The following SLC30A7 variants were observed in gnomAD, a reference collection of about 807,000 sequenced individuals.
The protein encoded by SLC30A7 is zinc transporter 7.
SLC30A7 carries 35 observed loss-of-function variants against 46.0 expected under a neutral mutation model. The ratio of observed to expected loss-of-function variants is 0.76; its 90% confidence interval spans 0.58 to 1.01. The LOEUF (loss-of-function observed/expected upper bound fraction) is 1.01. SLC30A7 is among the 50% of genes least tolerant of loss of function. The probability of loss-of-function intolerance (pLI) is 0.00; values close to 1 mark genes in which losing one functional copy is unlikely to be tolerated. For missense variants in SLC30A7, 464 were observed against 451.1 expected (o/e 1.03, Z -0.26); for synonymous variants, 147 against 157.8 (o/e 0.93, Z 0.51).
chr1:100,916,948 T>C (rs1652602067), intron 6 of SLC30A7, among the ~76,000 whole-genome samples: 1 of 152,220 alleles, frequency 6.6e-6, no homozygotes, highest in Non-Finnish European at 1.5e-5. Flanking sequence ...TGTATATATT[T>C]TATCAGATAC....
chr1:100,939,315 A>G (rs1283913382), intron 8 of SLC30A7, among the ~76,000 whole-genome samples: 1 of 152,228 alleles, frequency 6.6e-6, no homozygotes, highest in African/African-American at 2.4e-5. Context: ...ATGACAGACA[A>G]TTTAGCAAAG....
chr1:100,993,415 G>C, the SLC30A7 span, among the ~76,000 whole-genome samples: 1 of 151,196 alleles, frequency 6.6e-6, no homozygotes, highest in Non-Finnish European at 1.5e-5. Context: ...AGCGTGGCTT[G>C]GTGGCGCACG....
chr1:100,921,604 T>C, intron 7 of SLC30A7, 102 bp from the exon 8 acceptor site: 1 of 813,694 alleles, frequency 1.2e-6, no homozygotes, highest in Non-Finnish European at 1.9e-6. Flanking sequence ...GAAGTTGATA[T>C]CTAGTTTTTT....
At chr1:100,937,261 A>G (rs1654025420) in intron 8 of SLC30A7, among the ~76,000 whole-genome samples, 1 of 152,184 alleles carries the variant, frequency 6.6e-6, no homozygotes, top group African/African-American at 2.4e-5. Context: ...GAGGTTTTGA[A>G]TTATTTATTT....
chr1:100,921,909 G>T, intron 8 of SLC30A7, 68 bp downstream of exon 8: 4 of 1,250,920 alleles, frequency 3.2e-6, no homozygotes, highest in Admixed American at 2.3e-5. Flanking sequence ...TTAAATTATA[G>T]GTCTAAAATA....
At chr1:100,954,455 A>G (rs1655124654) in intron 8 of SLC30A7, among the ~76,000 whole-genome samples, 1 of 152,188 alleles carries the variant, frequency 6.6e-6, no homozygotes, top group South Asian at 2.1e-4. Flanking sequence ...TATCTAAACA[A>G]TGACATTACT....
Position 100,915,205 on chromosome 1 carries a change from C to CTTTTCT in SLC30A7, c.655+1402_655+1403insTCTTTT, listed in dbSNP as rs1399202409. ...TTTCTTTTCTTTCTTTTCTTTCTTT[C>CTTTTCT]TTTCTTTCTTTCTTTCTTTCTTTCT... On this transcript the variant is annotated intron_variant, in intron 6 of 10. Coordinates refer to ENST00000357650, the MANE Select transcript of SLC30A7 (RefSeq NM_133496.5). Among the ~76,000 whole-genome samples, 894 of 111,794 alleles carry CTTTTCT rather than the reference C, an allele frequency of 8.0e-3. 7 individuals are homozygous for CTTTTCT. The highest frequency in any genetic ancestry group is 9.8e-3 in the Non-Finnish European group (520 of 53,186). The allele number at this position is 111,794 out of a possible 152,430, so 73.3% of individuals were successfully genotyped here.
intron 2 of SLC30A7, among the ~76,000 whole-genome samples, chr1:100,902,637 A>G (rs878940950): frequency 2.0e-5 from 3 of 152,198 alleles, no homozygotes; most frequent in Admixed American, 2.0e-4. Context: ...AATCTGTTCC[A>G]TGATCTTTCT....
At chr1:100,990,296 C>G in the SLC30A7 span, 27 of 979,328 alleles carry the variant, frequency 2.8e-5, no homozygotes, top group South Asian at 4.1e-4. Context: ...ACCACAACAC[C>G]TGGGAATTAT....
chr1:100,985,481 G>T (rs918239351), downstream of SLC30A7, among the ~76,000 whole-genome samples: 53 of 152,242 alleles, frequency 3.5e-4, no homozygotes, highest in African/African-American at 1.3e-3. Context: ...TTTGAAAAAA[G>T]AATGTTAAAG....
chr1:100,966,169 A>T (rs1228730044), intron 10 of SLC30A7, among the ~76,000 whole-genome samples: 1 of 151,564 alleles, frequency 6.6e-6, no homozygotes, highest in Non-Finnish European at 1.5e-5. Flanking sequence ...TTGAGGCTGC[A>T]GTGGGTTATG....
intron 10 of SLC30A7, among the ~76,000 whole-genome samples, chr1:100,972,965 CTT>C (rs1327782756): frequency 6.6e-6 from 1 of 151,068 alleles, no homozygotes; most frequent in Non-Finnish European, 1.5e-5. Flanking sequence ...TGAATTCTGT[CTT>C]TTTTTCTGCC....
intron 2 of SLC30A7, among the ~76,000 whole-genome samples, chr1:100,897,137 T>C (rs998082974): frequency 5.3e-5 from 8 of 152,108 alleles, no homozygotes; most frequent in African/African-American, 1.4e-4. Flanking sequence ...TAAAGTGATA[T>C]CGGGAGGAAT....
chr1:100,942,203 T>G (rs1164227189), intron 8 of SLC30A7, among the ~76,000 whole-genome samples: 1 of 152,206 alleles, frequency 6.6e-6, no homozygotes, highest in Non-Finnish European at 1.5e-5. Context: ...GTAAAATAGG[T>G]ACTCTCATAC....
At chr1:100,934,240 T>C (rs1653825563) in intron 8 of SLC30A7, among the ~76,000 whole-genome samples, 1 of 152,234 alleles carries the variant, frequency 6.6e-6, no homozygotes. Flanking sequence ...TACCACTTCA[T>C]GGAGTGTTTA....
intron 5 of SLC30A7, 79 bp from the exon 6 acceptor site, chr1:100,913,584 T>G: frequency 1.0e-6 from 1 of 993,166 alleles, no homozygotes; most frequent in Non-Finnish European, 1.5e-6. Flanking sequence ...GCTGATTCTT[T>G]GCGCTAGTGT....
the SLC30A7 span, among the ~76,000 whole-genome samples, chr1:100,993,875 G>A: frequency 6.6e-6 from 1 of 151,610 alleles, no homozygotes; most frequent in South Asian, 2.1e-4. Flanking sequence ...CGAGTAGCTG[G>A]GATTACAGGT....
intron 8 of SLC30A7, among the ~76,000 whole-genome samples, chr1:100,954,568 T>A (rs1201926952): frequency 1.3e-5 from 2 of 152,150 alleles, no homozygotes; most frequent in African/African-American, 4.8e-5. Flanking sequence ...AAAGGATGAC[T>A]TTTTCATGAC....
intron 9 of SLC30A7, among the ~76,000 whole-genome samples, chr1:100,962,341 T>A (rs1655593037): frequency 6.6e-6 from 1 of 152,132 alleles, no homozygotes; most frequent in Non-Finnish European, 1.5e-5. Context: ...TAAGAAAATA[T>A]CAATGAGAAT....
Sources: allele counts gnomAD v4.1 joint callset (sites outside exome capture counted in the v4.1 genomes callset), GRCh38; gene constraint gnomAD v4.1.1; transcripts MANE v1.5; gene names NCBI Gene and HGNC (gene_info 2026-07-23, HGNC 2026-07-21).